Variants in BMP5 observed in about 807,000 individuals in gnomAD.
BMP5 encodes bone morphogenetic protein 5.
Under a neutral mutation model 46.6 loss-of-function variants are expected in BMP5, and 23 were observed. The observed-to-expected ratio is 0.49, with a 90% confidence interval of 0.35 to 0.70. The LOEUF (loss-of-function observed/expected upper bound fraction) is 0.70, where lower values mean the gene tolerates loss of function less well. BMP5 is among the 30% of genes least tolerant of loss of function. The pLI is 0.00. For synonymous variants in BMP5, 204 were observed against 191.9 expected (o/e 1.06, Z -0.52); for missense variants, 545 against 565.6 (o/e 0.96, Z 0.37).
intron 4 of BMP5, among the ~76,000 whole-genome samples, chr6:55,772,161 T>C (rs1053676201): frequency 6.6e-6 from 1 of 151,926 alleles, no homozygotes; most frequent in African/African-American, 2.4e-5. Context: ...AAAGAAAATA[T>C]TGGTCTATAT....
intron 1 of BMP5, among the ~76,000 whole-genome samples, chr6:55,866,016 C>A (rs1212080670): frequency 1.3e-5 from 2 of 152,138 alleles, no homozygotes; most frequent in African/African-American, 4.8e-5. Flanking sequence ...AAAATTTTGA[C>A]ATAAAGCATA....
chr6:55,792,193 C>A (rs1402429005), intron 3 of BMP5, among the ~76,000 whole-genome samples: 1 of 152,132 alleles, frequency 6.6e-6, no homozygotes, highest in South Asian at 2.1e-4. Flanking sequence ...AAGGTCTGAA[C>A]CTTTGCCTAT....
At chr6:55,845,836 C>T (rs1405455163) in intron 1 of BMP5, among the ~76,000 whole-genome samples, 2 of 151,962 alleles carry the variant, frequency 1.3e-5, no homozygotes, top group Non-Finnish European at 2.9e-5. Flanking sequence ...GTATTCTTAA[C>T]TCCTTATTCC....
chr6:55,786,166 A>T, intron 3 of BMP5, among the ~76,000 whole-genome samples: 1 of 151,682 alleles, frequency 6.6e-6, no homozygotes, highest in Non-Finnish European at 1.5e-5. Flanking sequence ...TGGGGTTTGA[A>T]TGTAACTGTT....
chr6:55,865,246 G>T (rs1314339950), intron 1 of BMP5, among the ~76,000 whole-genome samples: 1 of 151,734 alleles, frequency 6.6e-6, no homozygotes, highest in Non-Finnish European at 1.5e-5. Flanking sequence ...TCTTTCAAAG[G>T]GTTCTTTATA....
At chr6:55,763,269 TAAAG>T (rs1774830069) in intron 4 of BMP5, among the ~76,000 whole-genome samples, 1 of 152,088 alleles carries the variant, frequency 6.6e-6, no homozygotes, top group African/African-American at 2.4e-5. Flanking sequence ...ATATAAAAAA[TAAAG>T]AAAATAAAAC....
At chr6:55,848,482 C>G (rs1291811296) in intron 1 of BMP5, among the ~76,000 whole-genome samples, 2 of 151,878 alleles carry the variant, frequency 1.3e-5, no homozygotes, top group Non-Finnish European at 2.9e-5. Flanking sequence ...ACATGTAAGT[C>G]TAGCTACGAT....
chr6:55,766,530 C>T (rs951241395), intron 4 of BMP5, among the ~76,000 whole-genome samples: 1 of 152,096 alleles, frequency 6.6e-6, no homozygotes, highest in South Asian at 2.1e-4. Context: ...ACATCTCTCT[C>T]TCCAATCTAT....
At chr6:55,808,019 C>A (rs903054036) in intron 2 of BMP5, among the ~76,000 whole-genome samples, 2 of 152,114 alleles carry the variant, frequency 1.3e-5, no homozygotes, top group African/African-American at 4.8e-5. Flanking sequence ...AGGAGGTGTA[C>A]TTCAGTGGGG....
chr6:55,801,556 C>G (rs749466591), intron 2 of BMP5, among the ~76,000 whole-genome samples: 1 of 152,190 alleles, frequency 6.6e-6, no homozygotes, highest in Non-Finnish European at 1.5e-5. Flanking sequence ...GGACCTTAAG[C>G]CCAGCTTCAG....
At chr6:55,808,166 G>A (rs1776037582) in intron 2 of BMP5, among the ~76,000 whole-genome samples, 1 of 152,194 alleles carries the variant, frequency 6.6e-6, no homozygotes, top group Non-Finnish European at 1.5e-5. Context: ...TTCTGTCCCT[G>A]AGCACCTGGT....
At chr6:55,766,526 C>T (rs112124519) in intron 4 of BMP5, among the ~76,000 whole-genome samples, 3 of 152,100 alleles carry the variant, frequency 2.0e-5, no homozygotes, top group African/African-American at 7.2e-5. Flanking sequence ...TCTTACATCT[C>T]TCTCTCCAAT....
chr6:55,804,278 C>T (rs562400747), intron 2 of BMP5, among the ~76,000 whole-genome samples: 5 of 152,216 alleles, frequency 3.3e-5, no homozygotes, highest in African/African-American at 1.2e-4. Context: ...AAGATAGAGA[C>T]ACACAGAAGG....
At chr6:55,769,524 C>G (rs1234211156) in intron 4 of BMP5, among the ~76,000 whole-genome samples, 1 of 151,800 alleles carries the variant, frequency 6.6e-6, no homozygotes, top group African/African-American at 2.4e-5. Context: ...ATGATTTCCT[C>G]CACTGAAGTC....
chr6:55,811,187 A>C (rs1458330650), intron 2 of BMP5, among the ~76,000 whole-genome samples: 2 of 152,136 alleles, frequency 1.3e-5, no homozygotes, highest in Non-Finnish European at 2.9e-5. Context: ...AGAATCACAA[A>C]TCTTAGAGAA....
In BMP5 at chr6:55,873,657, A is replaced by T. The variant is rs929436254; in HGVS notation, c.490+719T>A. 2.0e-5 allele frequency among the ~76,000 whole-genome samples: 3 copies of T among 152,086 alleles called. No individual in the cohort carries two copies. In the East Asian group the frequency reaches 5.8e-4, roughly 29 times the overall value. ...TTAATATTGTTGTGGTTTACAGAAA[A>T]TTTCAAATATTTTATCTCATATAGA... is the stretch of plus-strand genomic sequence containing the variant. On this transcript the variant is annotated intron_variant, in intron 1 of 6. Coordinates refer to ENST00000370830, the MANE Select transcript of BMP5 (RefSeq NM_021073.4).
chr6:55,774,809 C>T lies in BMP5; in HGVS notation c.833-566G>A, dbSNP rs1439362410. Among the ~76,000 whole-genome samples the T allele has an allele frequency of 2.0e-5, 3 of 151,966 alleles. No homozygotes were observed. The East Asian group carries it at 5.8e-4, about 29-fold the overall frequency. ...TCACAAGTCATTCTGGAAGCCTAGT[C>T]TGGGGATGGAGGTCTGCTTTAAGCC... On this transcript the variant is annotated intron_variant, in intron 3 of 6. Transcript: ENST00000370830.
rs1176273779 is a variant in BMP5, at chr6:55,875,014, A to T, written c.-149T>A. On this transcript the variant is annotated 5_prime_UTR_variant, in exon 1 of 7. An upstream start codon of the reference 5' UTR is lost. Transcript: ENST00000370830. ...TGACAGTGACATTTCTGAGCACAAC[A>T]TCCTCACCGATTTTCCTGTCCTATT... is the stretch of plus-strand genomic sequence containing the variant. 3.6e-6 allele frequency: 3 copies of T among 825,170 alleles called. No homozygotes were observed. The highest frequency in any genetic ancestry group is 3.8e-6 in the Non-Finnish European group (2 of 526,888). 51.1% of individuals were successfully genotyped at this position (825,170 alleles called of 1,614,324 possible).
In BMP5 at chr6:55,755,402, T is replaced by G. The variant is rs1774561496; in HGVS notation, c.*131A>C. 2 of 810,738 alleles carry G rather than the reference T, an allele frequency of 2.5e-6. No individual in the cohort carries two copies. The highest frequency in any genetic ancestry group is 4.0e-6 in the Non-Finnish European group (2 of 497,076). 50.2% of individuals were successfully genotyped at this position (810,738 alleles called of 1,614,324 possible). ...ATAAAAATGACTATATACATGATAT[T>G]GTACATAGGAAAAGAGTCAAAATGA... On this transcript the variant is annotated 3_prime_UTR_variant, in exon 7 of 7. Coordinates refer to ENST00000370830, the MANE Select transcript of BMP5 (RefSeq NM_021073.4).
Sources: allele counts gnomAD v4.1 joint callset (sites outside exome capture counted in the v4.1 genomes callset), GRCh38; gene constraint gnomAD v4.1.1; transcripts MANE v1.5; gene names NCBI Gene and HGNC (gene_info 2026-07-23, HGNC 2026-07-21).